ABCG2: variants seen among roughly 807,000 people sequenced by gnomAD.
The protein encoded by ABCG2 is broad substrate specificity ATP-binding cassette transporter ABCG2.
ABCG2 carries 80 observed loss-of-function variants against 73.5 expected under a neutral mutation model. The ratio of observed to expected loss-of-function variants is 1.09; its 90% CI spans 0.91 to 1.31. The LOEUF is 1.31. Among genes scored for constraint, ABCG2 ranks in the 50% most tolerant of loss-of-function variants. The probability of loss-of-function intolerance (pLI) is 0.00; values close to 1 mark genes in which losing one functional copy is unlikely to be tolerated. For synonymous variants in ABCG2, 269 were observed against 282.4 expected (o/e 0.95, Z 0.48); for missense variants, 796 against 786.2 (o/e 1.01, Z -0.15).
chr4:88,231,423 T>A (rs977172509), upstream of ABCG2: 1 of 152,212 alleles, frequency 6.6e-6, no homozygotes, highest in South Asian at 2.1e-4. Flanking sequence ...CTTCTGGCAT[T>A]CCTAGCAAGG....
At chr4:88,164,186 C>T (rs1213850326), upstream of ABCG2, among the ~76,000 whole-genome samples, 1 of 152,044 alleles carries the variant, frequency 6.6e-6, no homozygotes, top group Non-Finnish European at 1.5e-5. Flanking sequence ...ACTGCCTCAG[C>T]CTCCTGAGTA....
In ABCG2 at chr4:88,091,282, A is replaced by C. The variant is rs1217650585; in HGVS notation, c.*952T>G. 6.6e-6 allele frequency: 1 copy of C among 152,216 alleles called. No homozygotes were observed. Among genetic ancestry groups the C allele is most frequent in the Non-Finnish European group, 1.5e-5 (1 of 68,032 alleles). 9.4% of individuals were successfully genotyped at this position (152,216 alleles called of 1,614,324 possible). A position where few individuals can be genotyped will look rare whatever the true frequency, so the allele number is the denominator to read the frequency against. On this transcript the variant is annotated 3_prime_UTR_variant, in exon 16 of 16. Transcript: ENST00000237612. ...AATAAAATTAAAACATTTCCCTATT[A>C]CTGATGAAGGTTAGAATGAAGAGAA...
Position 88,148,382 on chromosome 4 carries a change from T to C in ABCG2, c.-19-8368A>G, listed in dbSNP as rs559397537. 2.6e-5 allele frequency among the ~76,000 whole-genome samples: 4 copies of C among 152,290 alleles called. No homozygotes were observed. The South Asian group carries it at 6.2e-4, about 24-fold the overall frequency. ...CGAAAGAGATATGTTGGGTCATGTA[T>C]ACCATTCATGAGGCTGGAGTTTAGT... On this transcript the variant is annotated intron_variant, in intron 1 of 15. Transcript: ENST00000237612.
At chr4:88,211,357 T>TACCCCCC (rs1560460419) in intron 1 of ABCG2, among the ~76,000 whole-genome samples, 2 of 18,888 alleles carry the variant, frequency 1.1e-4, no homozygotes, top group Non-Finnish European at 1.2e-4. Context: ...GTTCAACCCC[T>TACCCCCC]GCCCCACCCC....
At chr4:88,163,689 C>A, upstream of ABCG2, 1 of 348,738 alleles carries the variant, frequency 2.9e-6, no homozygotes, top group Non-Finnish European at 5.7e-6. Context: ...ATAGAGTGGG[C>A]TTCAAGAAGT....
chr4:88,224,019 G>A (rs1560467076), intron 1 of ABCG2, among the ~76,000 whole-genome samples: 1 of 152,072 alleles, frequency 6.6e-6, no homozygotes, highest in Non-Finnish European at 1.5e-5. Flanking sequence ...TTGAAGAAAT[G>A]TCTATTCAAA....
intron 1 of ABCG2, among the ~76,000 whole-genome samples, chr4:88,193,305 C>G (rs1728778624): frequency 6.6e-6 from 1 of 151,954 alleles, no homozygotes; most frequent in African/African-American, 2.4e-5. Flanking sequence ...TTTCTGACTG[C>G]TAGTACATGA....
intron 1 of ABCG2, among the ~76,000 whole-genome samples, chr4:88,184,833 G>A (rs1003780973): frequency 6.6e-6 from 1 of 152,102 alleles, no homozygotes; most frequent in Non-Finnish European, 1.5e-5. Flanking sequence ...AAATGGCAAG[G>A]TACTGACATA....
chr4:88,170,326 C>T (rs1179403796), intron 1 of ABCG2, among the ~76,000 whole-genome samples: 1 of 152,104 alleles, frequency 6.6e-6, no homozygotes, highest in Non-Finnish European at 1.5e-5. Context: ...TTGTTAAGCT[C>T]ACATCATACT....
At chr4:88,097,159 A>G (rs149582508) in intron 13 of ABCG2, among the ~76,000 whole-genome samples, 358 of 152,350 alleles carry the variant, frequency 2.3e-3, no homozygotes, top group African/African-American at 8.0e-3. Flanking sequence ...TGAAATTCCA[A>G]TTTATTAAGG....
intron 10 of ABCG2, among the ~76,000 whole-genome samples, chr4:88,101,671 T>C (rs1304744679): frequency 6.6e-6 from 1 of 151,262 alleles, no homozygotes; most frequent in Non-Finnish European, 1.5e-5. Flanking sequence ...GATAGGGAGG[T>C]GGGGAGAGTG....
At chr4:88,108,175 T>C (rs1051974863) in intron 9 of ABCG2, among the ~76,000 whole-genome samples, 23 of 152,220 alleles carry the variant, frequency 1.5e-4, no homozygotes, top group African/African-American at 5.5e-4. Flanking sequence ...TACGTTATGA[T>C]ATAATTTATC....
chr4:88,096,664 GA>G (rs1275291463), intron 13 of ABCG2, among the ~76,000 whole-genome samples: 1 of 151,724 alleles, frequency 6.6e-6, no homozygotes, highest in Admixed American at 6.6e-5. Flanking sequence ...TGTTGAAGGG[GA>G]AAAAAATGTA....
intron 1 of ABCG2, among the ~76,000 whole-genome samples, chr4:88,224,844 G>T (rs534949247): frequency 6.6e-6 from 1 of 152,264 alleles, no homozygotes; most frequent in East Asian, 1.9e-4. Flanking sequence ...AGCTCTTTGT[G>T]TCTTTGATAA....
chr4:88,096,480 T>G (rs528398214), intron 13 of ABCG2, among the ~76,000 whole-genome samples: 1 of 152,332 alleles, frequency 6.6e-6, no homozygotes, highest in Admixed American at 6.5e-5. Flanking sequence ...ATTTGCTGGA[T>G]GACAGTATGG....
intron 2 of ABCG2, among the ~76,000 whole-genome samples, chr4:88,139,191 A>T (rs555968202): frequency 6.6e-6 from 1 of 152,044 alleles, no homozygotes; most frequent in Non-Finnish European, 1.5e-5. Flanking sequence ...CTTCTAGTGC[A>T]TCAAGTTACT....
chr4:88,095,444 A>G, intron 14 of ABCG2, 76 bp downstream of exon 14: 1 of 1,319,098 alleles, frequency 7.6e-7, no homozygotes, highest in Non-Finnish European at 1.1e-6. Context: ...TGGTCAGGGA[A>G]ATGAGATGAG....
At position 88,215,496 on chromosome 4, in the gene ABCG2, A is replaced by G. The variant is rs755730194; in HGVS notation, c.-20+15498T>C. Among the ~76,000 whole-genome samples, 53 of 152,216 alleles carry G rather than the reference A, an allele frequency of 3.5e-4. 1 individual carries two copies. The highest frequency in any genetic ancestry group is 7.1e-4 in the Non-Finnish European group (48 of 68,032). ...GGATTCAAAAAACTCTCCTTTCACT[A>G]AGACATAAGGAAATGCACTAGTGAG... is the stretch of plus-strand genomic sequence containing the variant. On this transcript the variant is annotated intron_variant, in intron 1 of 15. Transcript: ENST00000515655.
At chr4:88,140,810 T>C (rs1399011532) in intron 1 of ABCG2, among the ~76,000 whole-genome samples, 2 of 152,168 alleles carry the variant, frequency 1.3e-5, no homozygotes, top group African/African-American at 2.4e-5. Context: ...CCAAAATTGT[T>C]TGCAATTACA....
Sources: allele counts gnomAD v4.1 joint callset (sites outside exome capture counted in the v4.1 genomes callset), GRCh38; gene constraint gnomAD v4.1.1; transcripts MANE v1.5; gene names NCBI Gene and HGNC (gene_info 2026-07-23, HGNC 2026-07-21).